The following ADAMTS20 variants were observed in gnomAD, a reference collection of about 807,000 sequenced individuals.
ADAMTS20 encodes the protein ADAM metallopeptidase with thrombospondin type 1 motif 20, also known as A disintegrin and metalloproteinase with thrombospondin motifs 20.
Under a neutral mutation model 260.1 loss-of-function variants are expected in ADAMTS20, and 225 were observed. The ratio of observed to expected loss-of-function variants is 0.87; its 90% confidence interval spans 0.78 to 0.97. The LOEUF is 0.97. Among genes scored for constraint, ADAMTS20 ranks in the 50% least tolerant of loss-of-function variants. The probability of loss-of-function intolerance (pLI) is 0.00; values close to 1 mark genes in which losing one functional copy is unlikely to be tolerated. For missense variants in ADAMTS20, 2,400 were observed against 2,337.7 expected (o/e 1.03, Z -0.55); for synonymous variants, 802 against 769.5 (o/e 1.04, Z -0.70).
intron 29 of ADAMTS20, among the ~76,000 whole-genome samples, chr12:43,394,860 G>A (rs1450849031): frequency 2.0e-5 from 3 of 152,092 alleles, no homozygotes; most frequent in Admixed American, 6.6e-5. Context: ...ATAAGCTGCT[G>A]TTTCTTCATC....
chr12:43,443,765 G>C (rs1156246217), intron 16 of ADAMTS20, 26 bp downstream of exon 16: 1 of 1,573,400 alleles, frequency 6.4e-7, no homozygotes, highest in East Asian at 2.2e-5. Flanking sequence ...GCCACATACT[G>C]GCTGTTGTTT....
chr12:43,353,487 A>G (rs1350936462), downstream of ADAMTS20, among the ~76,000 whole-genome samples: 1 of 151,998 alleles, frequency 6.6e-6, no homozygotes, highest in Admixed American at 6.6e-5. Context: ...TATAAGTACA[A>G]TCAAATTTGA....
chr12:43,388,357 G>A (rs1429443147), intron 29 of ADAMTS20, among the ~76,000 whole-genome samples: 1 of 152,186 alleles, frequency 6.6e-6, no homozygotes, highest in Non-Finnish European at 1.5e-5. Context: ...TCCGTGGGCT[G>A]TACCCACTGT....
intron 37 of ADAMTS20, among the ~76,000 whole-genome samples, chr12:43,365,910 G>C (rs891706198): frequency 1.3e-5 from 2 of 151,658 alleles, no homozygotes; most frequent in Admixed American, 1.3e-4. Context: ...AAAAAACTGA[G>C]GAAATTAAAA....
At chr12:43,464,004 C>A (rs1942109960) in intron 10 of ADAMTS20, among the ~76,000 whole-genome samples, 1 of 151,936 alleles carries the variant, frequency 6.6e-6, no homozygotes, top group Non-Finnish European at 1.5e-5. Flanking sequence ...TAAACTAAAT[C>A]CTAAATTTAC....
chr12:43,370,262 T>C (rs1353200909), intron 36 of ADAMTS20, among the ~76,000 whole-genome samples: 2 of 152,208 alleles, frequency 1.3e-5, no homozygotes, highest in African/African-American at 4.8e-5. Context: ...CAGAGCCAGC[T>C]TGTACCAAAT....
intron 36 of ADAMTS20, among the ~76,000 whole-genome samples, chr12:43,371,676 A>G (rs1360106486): frequency 1.3e-5 from 2 of 152,186 alleles, no homozygotes; most frequent in Non-Finnish European, 2.9e-5. Context: ...CGAAGGCCTT[A>G]AGATGGGGGC....
intron 19 of ADAMTS20, 137 bp downstream of exon 19, chr12:43,434,108 T>A: frequency 1.1e-6 from 1 of 920,522 alleles, no homozygotes; most frequent in East Asian, 2.7e-5. Context: ...CATAAAATAG[T>A]GAGCCTGAAA....
chr12:43,521,566 C>A (rs1041547280), intron 3 of ADAMTS20, among the ~76,000 whole-genome samples: 3 of 152,170 alleles, frequency 2.0e-5, no homozygotes, highest in African/African-American at 7.2e-5. Context: ...TTCAGTCTCC[C>A]CACCTTCGGC....
intron 4 of ADAMTS20, among the ~76,000 whole-genome samples, chr12:43,495,934 T>G (rs1942671888): frequency 6.6e-6 from 1 of 152,180 alleles, no homozygotes; most frequent in African/African-American, 2.4e-5. Context: ...CGTATACCTT[T>G]AACTATATTT....
At chr12:43,391,718 G>C (rs1233373639) in intron 29 of ADAMTS20, among the ~76,000 whole-genome samples, 1 of 152,028 alleles carries the variant, frequency 6.6e-6, no homozygotes, top group East Asian at 1.9e-4. Context: ...CATTATTTCT[G>C]CAGGATTCCA....
downstream of ADAMTS20, among the ~76,000 whole-genome samples, chr12:43,353,504 T>C (rs1263168114): frequency 1.3e-5 from 2 of 151,992 alleles, no homozygotes; most frequent in Non-Finnish European, 2.9e-5. Flanking sequence ...TTGAGGTAGA[T>C]TTTAAAAATT....
intron 7 of ADAMTS20, among the ~76,000 whole-genome samples, chr12:43,475,152 C>A (rs1019488147): frequency 1.0e-5 from 1 of 96,556 alleles, no homozygotes; most frequent in Non-Finnish European, 2.1e-5. Flanking sequence ...TCTCAGGATA[C>A]AAAATCAATG....
chr12:43,389,391 TTGAG>T (rs1940550346), intron 29 of ADAMTS20, among the ~76,000 whole-genome samples: 2 of 152,188 alleles, frequency 1.3e-5, no homozygotes, highest in Non-Finnish European at 2.9e-5. Flanking sequence ...GTAATAGGAC[TTGAG>T]TAAGTAAAAA....
chr12:43,402,193 C>T (rs1428019966), intron 28 of ADAMTS20, among the ~76,000 whole-genome samples: 1 of 151,920 alleles, frequency 6.6e-6, no homozygotes, highest in Non-Finnish European at 1.5e-5. Flanking sequence ...TACAAAGTGG[C>T]ATGTGTAATA....
In ADAMTS20 at chr12:43,466,799, A is replaced by C; in HGVS notation, c.1224-4T>G. The C allele has an allele frequency of 6.4e-7, 1 of 1,574,016 alleles. No individual in the cohort carries two copies. Among genetic ancestry groups the C allele is most frequent in the Non-Finnish European group, 8.7e-7 (1 of 1,153,428 alleles). ...ATCATCATGTTGAACACCAAGTCTA[A>C]AAATAAAAATAAACACTTAAAAGGA... On this transcript the variant is annotated splice_polypyrimidine_tract_variant and splice_region_variant and intron_variant, in intron 8 of 38. Transcript: ENST00000389420.
intron 3 of ADAMTS20, among the ~76,000 whole-genome samples, chr12:43,516,807 A>G (rs1485009068): frequency 6.6e-6 from 1 of 152,108 alleles, no homozygotes; most frequent in Admixed American, 6.6e-5. Context: ...AAAGAAAATT[A>G]CAAACTAAAT....
chr12:43,495,706 T>C (rs1269208379), intron 4 of ADAMTS20, among the ~76,000 whole-genome samples: 1 of 152,188 alleles, frequency 6.6e-6, no homozygotes, highest in East Asian at 1.9e-4. Flanking sequence ...AGGCATAATC[T>C]CTGCCCTTAA....
intron 37 of ADAMTS20, among the ~76,000 whole-genome samples, chr12:43,361,964 A>G (rs1939877397): frequency 6.6e-6 from 1 of 152,232 alleles, no homozygotes; most frequent in South Asian, 2.1e-4. Flanking sequence ...GACAAGGACC[A>G]GATTTCCAGA....
Sources: allele counts gnomAD v4.1 joint callset (sites outside exome capture counted in the v4.1 genomes callset), GRCh38; gene constraint gnomAD v4.1.1; transcripts MANE v1.5; gene names NCBI Gene and HGNC (gene_info 2026-07-23, HGNC 2026-07-21).